Variants in NCAM1 observed in about 807,000 individuals in gnomAD.
NCAM1 encodes neural cell adhesion molecule 1, also known as antigen recognized by monoclonal antibody 5.1H11.
In NCAM1, 14 loss-of-function variants were observed where a neutral mutation model predicts 109.8. That is an observed-to-expected ratio of 0.13 (90% CI 0.08 to 0.20). The LOEUF is 0.20. Ranked by LOEUF, NCAM1 falls within the 10% of genes least tolerant of loss-of-function variation. The pLI is 1.00. For synonymous variants in NCAM1, 418 were observed against 442.9 expected, an observed-to-expected ratio of 0.94 and a Z score of 0.70; for missense variants, 774 against 1,109.9, an observed-to-expected ratio of 0.70 and a Z score of 4.30.
intron 1 of NCAM1, among the ~76,000 whole-genome samples, chr11:113,001,590 CT>C (rs1951756386): frequency 6.6e-6 from 1 of 152,144 alleles, no homozygotes; most frequent in African/African-American, 2.4e-5. Flanking sequence ...GTGAAGCTGG[CT>C]CTTTCAACTG....
intron 19 of NCAM1, 34 bp downstream of exon 19, chr11:113,271,910 G>T (rs371654238): frequency 2.5e-5 from 37 of 1,503,354 alleles, no homozygotes; most frequent in Non-Finnish European, 3.1e-5. Context: ...CACCTGCTCC[G>T]TAGAGACCCC....
At position 113,225,475 on chromosome 11, in the gene NCAM1, C is replaced by T. The variant is rs142968816; in HGVS notation, c.1089+4150C>T. Among the ~76,000 whole-genome samples, 992 of 152,250 alleles carry T rather than the reference C, an allele frequency of 6.5e-3. 26 individuals are homozygous for T. The East Asian group carries it at 0.11, about 16-fold the overall frequency. The stretch of plus-strand genomic sequence containing the variant: ...ATCTGATTGGTGTACCTGAAAGTGA[C>T]GGGGAGAATGGAACCAAGTTGGAAA... On this transcript the variant is annotated intron_variant, in intron 9 of 19. Transcript: ENST00000316851.
In NCAM1 at chr11:113,206,190, G is replaced by A. The variant is rs1270654645; in HGVS notation, c.628+10G>A. ...CAGGTCATTGTGAATGGTGAGGAGA[G>A]TCCGTTCTTCCTGATCTCTGCATTG... On this transcript the variant is annotated intron_variant, in intron 5 of 19. Transcript: ENST00000316851. The A allele has an allele frequency of 6.2e-7, 1 of 1,600,498 alleles. No homozygotes were observed. The highest frequency in any genetic ancestry group is 8.5e-7 in the Non-Finnish European group (1 of 1,174,312).
In NCAM1 at chr11:113,245,155, A is replaced by G. The variant is rs547154613; in HGVS notation, c.1826-1213A>G. Among the ~76,000 whole-genome samples the G allele has an allele frequency of 3.9e-5, 6 of 152,118 alleles. No homozygotes were observed. The East Asian group carries it at 7.7e-4, about 20-fold the overall frequency. ...TCAGTGCAACCACGATTCTAAAGAT[A>G]TAACTTTAACCACAACAGGTTGGGT... On this transcript the variant is annotated intron_variant, in intron 14 of 19. Transcript: ENST00000316851.
intron 15 of NCAM1, among the ~76,000 whole-genome samples, chr11:113,255,408 G>A (rs1945806681): frequency 6.6e-6 from 1 of 152,026 alleles, no homozygotes; most frequent in Non-Finnish European, 1.5e-5. Context: ...CAGTCCCAGG[G>A]GTGAGTGATG....
intron 1 of NCAM1, among the ~76,000 whole-genome samples, chr11:113,124,551 T>C (rs1470568336): frequency 6.6e-6 from 1 of 152,210 alleles, no homozygotes; most frequent in African/African-American, 2.4e-5. Flanking sequence ...TCACAAGATA[T>C]TTCTGAATTC....
chr11:113,158,759 G>A (rs1300811779), intron 1 of NCAM1, among the ~76,000 whole-genome samples: 1 of 152,166 alleles, frequency 6.6e-6, no homozygotes, highest in Admixed American at 6.5e-5. Flanking sequence ...GCTGTACATA[G>A]CTGTCCAGTG....
chr11:113,073,668 A>G (rs1938397439), intron 1 of NCAM1, among the ~76,000 whole-genome samples: 1 of 152,244 alleles, frequency 6.6e-6, no homozygotes, highest in Admixed American at 6.5e-5. Context: ...TCTTGCTCCA[A>G]TTAAAGCTAA....
At chr11:113,090,631 T>A (rs1017940336) in intron 1 of NCAM1, among the ~76,000 whole-genome samples, 7 of 152,210 alleles carry the variant, frequency 4.6e-5, no homozygotes, top group Non-Finnish European at 1.5e-5. Context: ...TGAATTACAT[T>A]AACTAAGCCT....
intron 9 of NCAM1, chr11:113,221,568 G>A: frequency 2.3e-6 from 1 of 436,458 alleles, no homozygotes; most frequent in Non-Finnish European, 4.1e-6. Flanking sequence ...TGCTGGTGCT[G>A]GTAAAATCAC....
intron 1 of NCAM1, among the ~76,000 whole-genome samples, chr11:113,181,672 TTAAAA>T (rs782122156): frequency 1.3e-5 from 2 of 151,592 alleles, no homozygotes; most frequent in Admixed American, 6.5e-5. Flanking sequence ...ACCCTGGAAC[TTAAAA>T]TAAATATTTA....
chr11:113,041,967 C>A (rs1953093885), intron 1 of NCAM1, among the ~76,000 whole-genome samples: 1 of 152,186 alleles, frequency 6.6e-6, no homozygotes, highest in African/African-American at 2.4e-5. Flanking sequence ...TCTCTTAATT[C>A]GCTTTCTCTT....
chr11:113,208,205 C>G (rs563567046), intron 7 of NCAM1, among the ~76,000 whole-genome samples: 1 of 152,164 alleles, frequency 6.6e-6, no homozygotes, highest in African/African-American at 2.4e-5. Context: ...CATAGCTGGC[C>G]TCCCCGACTC....
At chr11:113,150,941 G>T (rs1414262657) in intron 1 of NCAM1, among the ~76,000 whole-genome samples, 1 of 152,192 alleles carries the variant, frequency 6.6e-6, no homozygotes, top group African/African-American at 2.4e-5. Flanking sequence ...AGCCCAGATA[G>T]TTGAGGTGTG....
intron 1 of NCAM1, among the ~76,000 whole-genome samples, chr11:113,105,405 TTG>T (rs1293966948): frequency 1.3e-5 from 2 of 152,160 alleles, no homozygotes; most frequent in Admixed American, 1.3e-4. Flanking sequence ...CAAAGAAAGA[TTG>T]TGATTTTCAT....
rs188033224 is a variant in NCAM1, at chr11:113,191,824, A to G, written c.53-10555A>G. On this transcript the variant is annotated intron_variant, in intron 1 of 19. Transcript: ENST00000316851. ...GAATGTGGAATTTTCCACTTGATAT[A>G]AACCAAATTTAACAATTCTTTGCAC... is the stretch of plus-strand genomic sequence containing the variant. 1.8e-3 allele frequency among the ~76,000 whole-genome samples: 271 copies of G among 152,268 alleles called. 2 individuals are homozygous for G. Among genetic ancestry groups the G allele is most frequent in the African/African-American group, 6.2e-3 (258 of 41,542 alleles).
chr11:113,073,877 C>T (rs1279591130), intron 1 of NCAM1, among the ~76,000 whole-genome samples: 3 of 152,188 alleles, frequency 2.0e-5, no homozygotes, highest in African/African-American at 7.2e-5. Flanking sequence ...GAAGCACTCA[C>T]CTGTAATTCT....
intron 1 of NCAM1, among the ~76,000 whole-genome samples, chr11:113,179,218 A>C (rs1460995544): frequency 2.6e-5 from 4 of 152,190 alleles, no homozygotes; most frequent in Admixed American, 1.3e-4. Context: ...ATACTTTTTA[A>C]TTATACATTT....
chr11:113,163,593 T>A (rs1942677553), intron 1 of NCAM1, among the ~76,000 whole-genome samples: 1 of 152,148 alleles, frequency 6.6e-6, no homozygotes, highest in Admixed American at 6.5e-5. Flanking sequence ...AAGGAAGAGA[T>A]GTGTCCAGCC....
Sources: gnomAD v4.1 joint callset for allele counts (sites outside exome capture counted in the v4.1 genomes callset) on GRCh38, gnomAD v4.1.1 for gene constraint, MANE v1.5 for transcripts, NCBI Gene and HGNC (gene_info 2026-07-23, HGNC 2026-07-21) for gene names.